ALG14: variants seen among roughly 807,000 people sequenced by gnomAD.
The protein encoded by ALG14 is ALG14 UDP-N-acetylglucosaminyltransferase subunit.
A neutral mutation model predicts 22.8 loss-of-function variants in ALG14; 17 were observed. The ratio of observed to expected loss-of-function variants is 0.75; its 90% CI spans 0.51 to 1.12. The LOEUF (loss-of-function observed/expected upper bound fraction) is 1.12, where lower values mean the gene tolerates loss of function less well. Ranked by LOEUF, ALG14 falls within the 50% of genes most tolerant of loss-of-function variation. ALG14 has a pLI of 0.00. For missense variants in ALG14, 288 were observed against 271.8 expected, an observed-to-expected ratio of 1.06 and a Z score of -0.42; for synonymous variants, 89 against 103.7, an observed-to-expected ratio of 0.86 and a Z score of 0.86.
At chr1:95,023,024 C>CA (rs776135637) in intron 3 of ALG14, among the ~76,000 whole-genome samples, 14 of 152,058 alleles carry the variant, frequency 9.2e-5, no homozygotes, top group Non-Finnish European at 1.9e-4. Flanking sequence ...ACTATACAAA[C>CA]AGTGATAATC....
intron 3 of ALG14, among the ~76,000 whole-genome samples, chr1:94,989,814 G>T (rs1672730144): frequency 6.6e-6 from 1 of 152,156 alleles, no homozygotes; most frequent in African/African-American, 2.4e-5. Flanking sequence ...TCCTTTTTCT[G>T]TTTCAATCAG....
At chr1:95,001,490 T>C (rs1557946439) in intron 3 of ALG14, among the ~76,000 whole-genome samples, 1 of 152,172 alleles carries the variant, frequency 6.6e-6, no homozygotes, top group East Asian at 1.9e-4. Context: ...TTTCTATGGC[T>C]TCTTTTTTTA....
intron 3 of ALG14, among the ~76,000 whole-genome samples, chr1:94,998,742 C>T (rs1672972373): frequency 1.3e-5 from 2 of 152,080 alleles, no homozygotes; most frequent in African/African-American, 2.4e-5. Context: ...TTTTCTTATT[C>T]ACAAAATGAG....
chr1:94,994,074 T>G (rs1321412616), intron 3 of ALG14, among the ~76,000 whole-genome samples: 1 of 152,220 alleles, frequency 6.6e-6, no homozygotes, highest in Non-Finnish European at 1.5e-5. Context: ...ATTTTTTTGG[T>G]TGGAATGGTC....
At chr1:95,045,021 T>G (rs773591544) in intron 2 of ALG14, among the ~76,000 whole-genome samples, 18 of 152,146 alleles carry the variant, frequency 1.2e-4, no homozygotes, top group Non-Finnish European at 2.5e-4. Flanking sequence ...GATTTCACTA[T>G]TGGGCCCATA....
intron 2 of ALG14, among the ~76,000 whole-genome samples, chr1:95,036,046 ATTT>A (rs932403207): frequency 6.6e-6 from 1 of 151,856 alleles, no homozygotes; most frequent in African/African-American, 2.4e-5. Context: ...TTACCACAAA[ATTT>A]TTTTTTATAT....
intron 3 of ALG14, chr1:94,983,530 C>G (rs1672556775): frequency 3.7e-6 from 2 of 541,448 alleles, no homozygotes; most frequent in Non-Finnish European, 6.6e-6. Flanking sequence ...AACTGTGTGA[C>G]TCAGGGCAAA....
At chr1:95,054,854 A>C (rs1427477707) in intron 2 of ALG14, among the ~76,000 whole-genome samples, 3 of 152,226 alleles carry the variant, frequency 2.0e-5, no homozygotes, top group African/African-American at 7.2e-5. Flanking sequence ...ATACCAAAGA[A>C]AAGCATGAGA....
At chr1:95,008,245 T>C (rs1335614717) in intron 3 of ALG14, among the ~76,000 whole-genome samples, 4 of 152,264 alleles carry the variant, frequency 2.6e-5, no homozygotes, top group Admixed American at 1.3e-4. Flanking sequence ...TTCCTACTTC[T>C]AGAGAATTTG....
At chr1:94,990,314 G>A (rs1672741597) in intron 3 of ALG14, among the ~76,000 whole-genome samples, 1 of 152,188 alleles carries the variant, frequency 6.6e-6, no homozygotes, top group Admixed American at 6.5e-5. Flanking sequence ...TGCAGCAGAT[G>A]GGGATGACGT....
chr1:95,001,096 G>C (rs746492558), intron 3 of ALG14, among the ~76,000 whole-genome samples: 2 of 152,124 alleles, frequency 1.3e-5, no homozygotes, highest in Admixed American at 1.3e-4. Flanking sequence ...TTAAGGTTAG[G>C]GGGTAATACT....
At chr1:94,998,785 T>C (rs1672974401) in intron 3 of ALG14, among the ~76,000 whole-genome samples, 1 of 152,184 alleles carries the variant, frequency 6.6e-6, no homozygotes, top group Non-Finnish European at 1.5e-5. Flanking sequence ...CTCATAGGGT[T>C]ACTGTGAGGA....
At chr1:95,021,985 C>A (rs1673678209) in intron 3 of ALG14, among the ~76,000 whole-genome samples, 1 of 152,182 alleles carries the variant, frequency 6.6e-6, no homozygotes, top group Non-Finnish European at 1.5e-5. Flanking sequence ...CCAAAATGAG[C>A]CTGTGATGGG....
chr1:94,984,689 A>G (rs1672591399), intron 3 of ALG14, among the ~76,000 whole-genome samples: 1 of 152,170 alleles, frequency 6.6e-6, no homozygotes, highest in Non-Finnish European at 1.5e-5. Flanking sequence ...AGTTGCCCCT[A>G]TAACCCTTCT....
rs1381348751 is a variant in ALG14, at chr1:94,979,308, A to AT, written c.*3767_*3768insA. ...CTGTCTCGAAAAAAAAAAAAAAAAA[A>AT]AAAAAAGAAAGAAAAAAGTGAAACA... On this transcript the variant is annotated 3_prime_UTR_variant, in exon 4 of 4. Transcript: ENST00000370205. 1 of 150,464 alleles carries AT rather than the reference A, an allele frequency of 6.6e-6. No homozygotes were observed. Among genetic ancestry groups the AT allele is most frequent in the East Asian group, 2.0e-4 (1 of 5,110 alleles). The allele number at this position is 150,464 out of a possible 1,614,324, so 9.3% of individuals were successfully genotyped here.
intron 3 of ALG14, among the ~76,000 whole-genome samples, chr1:94,991,516 G>C (rs12129041): frequency 0.12 from 17,638 of 152,148 alleles, 1,204 homozygotes; most frequent in East Asian, 0.2. Flanking sequence ...TAAAAATACT[G>C]TATGAAAGAC....
At chr1:95,038,716 GTTT>G (rs71097229) in intron 2 of ALG14, among the ~76,000 whole-genome samples, 6 of 121,468 alleles carry the variant, frequency 4.9e-5, no homozygotes, top group Admixed American at 8.6e-5. Flanking sequence ...AAACTATAAG[GTTT>G]TTTTTTTTTT....
intron 3 of ALG14, among the ~76,000 whole-genome samples, chr1:94,985,211 C>CTTTA (rs1557937787): frequency 6.6e-6 from 1 of 151,602 alleles, no homozygotes; most frequent in Non-Finnish European, 1.5e-5. Context: ...TACAATTTTC[C>CTTTA]TCTTTGTCTT....
At chr1:95,011,378 T>C (rs1253881153) in intron 3 of ALG14, among the ~76,000 whole-genome samples, 1 of 151,980 alleles carries the variant, frequency 6.6e-6, no homozygotes, top group Non-Finnish European at 1.5e-5. Flanking sequence ...GATGACGCCT[T>C]AACTGTGGAC....
Sources: allele counts gnomAD v4.1 joint callset (sites outside exome capture counted in the v4.1 genomes callset), GRCh38; gene constraint gnomAD v4.1.1; transcripts MANE v1.5; gene names NCBI Gene and HGNC (gene_info 2026-07-23, HGNC 2026-07-21).